Variants in KCTD1 observed in about 807,000 individuals in gnomAD.
The protein encoded by KCTD1 is BTB/POZ domain-containing protein KCTD1.
Under a neutral mutation model 66.0 loss-of-function variants are expected in KCTD1, and 24 were observed. The observed-to-expected ratio is 0.36, with a 90% CI of 0.26 to 0.51. The LOEUF (loss-of-function observed/expected upper bound fraction) is 0.51, where lower values mean the gene tolerates loss of function less well. Ranked by LOEUF, KCTD1 falls within the 20% of genes least tolerant of loss-of-function variation. The probability of loss-of-function intolerance (pLI) is 0.95; values close to 1 mark genes in which losing one functional copy is unlikely to be tolerated. For missense variants in KCTD1, 943 were observed against 1,205.2 expected (o/e 0.78, Z 3.22); for synonymous variants, 511 against 517.2 (o/e 0.99, Z 0.16).
chr18:26,479,954 TAC>T (rs1981547683), intron 2 of KCTD1, among the ~76,000 whole-genome samples: 1 of 152,136 alleles, frequency 6.6e-6, no homozygotes, highest in Non-Finnish European at 1.5e-5. Flanking sequence ...TGGAACTCAT[TAC>T]AGTTTACTAA....
intron 1 of KCTD1, among the ~76,000 whole-genome samples, chr18:26,586,030 G>A (rs1324467937): frequency 6.6e-6 from 1 of 152,124 alleles, no homozygotes; most frequent in African/African-American, 2.4e-5. Context: ...GGAAGATGCT[G>A]TCTCTTAAAA....
intron 4 of KCTD1, 52 bp downstream of exon 4, chr18:26,459,568 G>GACA (rs750609210): frequency 5.3e-6 from 8 of 1,510,500 alleles, no homozygotes; most frequent in Non-Finnish European, 7.1e-6. Context: ...AAGGTTAAGT[G>GACA]ACAACAGTAA....
upstream of KCTD1, among the ~76,000 whole-genome samples, chr18:26,641,853 T>A (rs1987839983): frequency 6.6e-6 from 1 of 152,138 alleles, no homozygotes; most frequent in Non-Finnish European, 1.5e-5. Flanking sequence ...ACTCATAGGT[T>A]CCATTTAGAG....
In KCTD1 at chr18:26,548,236, A is replaced by T; in HGVS notation, c.301T>A (p.Trp101Arg). 1 of 1,508,532 alleles carries T rather than the reference A, an allele frequency of 6.6e-7. No individual in the cohort carries two copies. Among genetic ancestry groups the T allele is most frequent in the Non-Finnish European group, 8.8e-7 (1 of 1,132,214 alleles). The allele number at this position is 1,508,532 out of a possible 1,614,324, so 93.4% of individuals were successfully genotyped here. ...TCCTCGGGCTCCAGGGGCTCGTCCCAGTCCAGCCCCATCTCCTCCTCTTCC... is the reference window on the plus strand; with the variant it reads ...TCCTCGGGCTCCAGGGGCTCGTCCCTGTCCAGCCCCATCTCCTCCTCTTCC... ...EEEEEEMGLD[W>R]DEPLEPEDSA... The change falls in exon 1 of 5, where the codon TGG (tryptophan) becomes AGG (arginine). Residue 101 changes from tryptophan to arginine, a missense_variant. Physicochemically the swap from Trp to Arg is moderately radical, Grantham distance 101. Transcript: ENST00000580059.
intron 1 of KCTD1, among the ~76,000 whole-genome samples, chr18:26,527,324 A>T (rs1205688402): frequency 6.6e-6 from 1 of 152,186 alleles, no homozygotes; most frequent in African/African-American, 2.4e-5. Flanking sequence ...AGACAATTGA[A>T]TGACTTACTG....
At chr18:26,617,507 C>T (rs552540782) in intron 1 of KCTD1, among the ~76,000 whole-genome samples, 5 of 152,214 alleles carry the variant, frequency 3.3e-5, no homozygotes, top group African/African-American at 1.2e-4. Context: ...AGAGTCTTTC[C>T]ATCAATTGGG....
intron 2 of KCTD1, among the ~76,000 whole-genome samples, chr18:26,485,195 G>A (rs1981851835): frequency 6.6e-6 from 1 of 152,210 alleles, no homozygotes; most frequent in Non-Finnish European, 1.5e-5. Context: ...TGAACTGAGT[G>A]TTCATCTGTG....
chr18:26,534,598 AAT>A (rs1319960826), intron 1 of KCTD1, among the ~76,000 whole-genome samples: 1 of 152,166 alleles, frequency 6.6e-6, no homozygotes, highest in Non-Finnish European at 1.5e-5. Context: ...TAACCAATAG[AAT>A]ATATATGTAT....
intron 2 of KCTD1, among the ~76,000 whole-genome samples, chr18:26,477,855 C>A (rs1238427799): frequency 6.6e-6 from 1 of 152,164 alleles, no homozygotes; most frequent in African/African-American, 2.4e-5. Flanking sequence ...AAGAGGAAAG[C>A]AAGTAATTAT....
At chr18:26,467,697 C>A (rs1567956971) in intron 3 of KCTD1, among the ~76,000 whole-genome samples, 1 of 151,898 alleles carries the variant, frequency 6.6e-6, no homozygotes, top group Non-Finnish European at 1.5e-5. Context: ...TGCCTGTAAT[C>A]CCAGCTACTT....
intron 1 of KCTD1, among the ~76,000 whole-genome samples, chr18:26,580,918 C>T (rs1014897776): frequency 1.3e-5 from 2 of 152,068 alleles, no homozygotes; most frequent in African/African-American, 4.8e-5. Flanking sequence ...GTCTTGGCTG[C>T]GTTTGTGCTG....
chr18:26,472,315 G>A lies in KCTD1; in HGVS notation c.2133+4200C>T, dbSNP rs148385503. ...AAGTCCAGGCTATATATAACTTAGCGAAAAATATAATGAAATCCTATGGCA... is the reference window on the plus strand; with the variant it reads ...AAGTCCAGGCTATATATAACTTAGCAAAAAATATAATGAAATCCTATGGCA... On this transcript the variant is annotated intron_variant, in intron 3 of 4. Transcript: ENST00000580059. Among the ~76,000 whole-genome samples, 838 of 152,114 alleles carry A rather than the reference G, an allele frequency of 5.5e-3. 13 individuals are homozygous for A. The highest frequency in any genetic ancestry group is 0.038 in the South Asian group (182 of 4,794).
chr18:26,500,261 TA>T (rs1212305692), intron 2 of KCTD1, among the ~76,000 whole-genome samples: 103 of 133,790 alleles, frequency 7.7e-4, no homozygotes, highest in Admixed American at 1.1e-3. Flanking sequence ...ACAAAAAATT[TA>T]AAAAAAAAAA....
intron 2 of KCTD1, among the ~76,000 whole-genome samples, 175 bp downstream of exon 2, chr18:26,500,897 C>T (rs1434641678): frequency 1.3e-5 from 2 of 152,132 alleles, no homozygotes; most frequent in African/African-American, 2.4e-5. Context: ...AATCCTGATT[C>T]GAAGATGTCC....
chr18:26,656,632 G>T (rs1988150750), intron 1 of KCTD1, among the ~76,000 whole-genome samples: 1 of 151,270 alleles, frequency 6.6e-6, no homozygotes. Context: ...AACCGCCCCG[G>T]GCCCCAGTCC....
At chr18:26,591,832 A>G (rs371037564) in intron 1 of KCTD1, among the ~76,000 whole-genome samples, 21 of 152,182 alleles carry the variant, frequency 1.4e-4, no homozygotes, top group African/African-American at 5.1e-4. Flanking sequence ...TGTCAAACAA[A>G]CCAGCCATGA....
chr18:26,539,637 G>A (rs895983957), intron 1 of KCTD1, among the ~76,000 whole-genome samples: 9 of 152,156 alleles, frequency 5.9e-5, no homozygotes, highest in Non-Finnish European at 8.8e-5. Context: ...TGGGAGCCTC[G>A]TGCCTTATGC....
rs76429709 is a variant in KCTD1, at chr18:26,514,637, G to C, written c.1810-13387C>G. Among the ~76,000 whole-genome samples the C allele has an allele frequency of 2.8e-3, 428 of 152,028 alleles. 1 individual carries two copies. Among genetic ancestry groups the C allele is most frequent in the African/African-American group, 9.9e-3 (412 of 41,510 alleles). On this transcript the variant is annotated intron_variant, in intron 1 of 4. Transcript: ENST00000580059. ...TACACCCAGACCTAATGGGTCATGTGTCCTGTTGATAGGCATGCTCCAGGC... is the reference window on the plus strand; with the variant it reads ...TACACCCAGACCTAATGGGTCATGTCTCCTGTTGATAGGCATGCTCCAGGC...
intron 1 of KCTD1, among the ~76,000 whole-genome samples, chr18:26,656,741 C>T (rs983146093): frequency 3.8e-4 from 58 of 151,504 alleles, no homozygotes; most frequent in African/African-American, 1.4e-3. Context: ...CCGGCAGGAG[C>T]GCAGCCCCGG....
Sources: gnomAD v4.1 joint callset for allele counts (sites outside exome capture counted in the v4.1 genomes callset) on GRCh38, gnomAD v4.1.1 for gene constraint, MANE v1.5 for transcripts, NCBI Gene and HGNC (gene_info 2026-07-23, HGNC 2026-07-21) for gene names.